WDFY3: variants seen among roughly 807,000 people sequenced by gnomAD.
The protein encoded by WDFY3 is WD repeat and FYVE domain-containing protein 3.
In WDFY3, 66 loss-of-function variants were observed where a neutral mutation model predicts 409.6. The observed-to-expected ratio is 0.16, with a 90% CI of 0.13 to 0.20. The LOEUF is 0.20. Among genes scored for constraint, WDFY3 ranks in the 10% least tolerant of loss-of-function variants. The probability of loss-of-function intolerance (pLI) is 1.00; values close to 1 mark genes in which losing one functional copy is unlikely to be tolerated. For missense variants in WDFY3, 3,031 were observed against 4,298.1 expected, an observed-to-expected ratio of 0.71 and a Z score of 8.24; for synonymous variants, 1,521 against 1,537.1, an observed-to-expected ratio of 0.99 and a Z score of 0.25.
In WDFY3 at chr4:84,946,149, T is replaced by C. The variant is rs77095911; in HGVS notation, c.-225-13786A>G. On this transcript the variant is annotated intron_variant, in intron 1 of 67. Coordinates refer to ENST00000295888, the MANE Select transcript of WDFY3 (RefSeq NM_014991.6). ...TCAGACCCTTTTGGGAATGAAGGAC[T>C]GAGTTAGCTTCCTAGAAACAGAACC... Among the ~76,000 whole-genome samples, 1,481 of 152,280 alleles carry C rather than the reference T, an allele frequency of 9.7e-3. 24 individuals carry two copies. The highest frequency in any genetic ancestry group is 0.033 in the African/African-American group (1,389 of 41,564).
At position 84,798,001 on chromosome 4, in the gene WDFY3, A is replaced by G; in HGVS notation, c.2930T>C (p.Met977Thr). The change falls in exon 18 of 68, where the codon ATG becomes ACG. Residue 977 changes from methionine to threonine, a missense_variant. By Grantham distance (81) the Met-to-Thr change is moderately conservative (BLOSUM62 -1). Coordinates refer to ENST00000295888, the MANE Select transcript of WDFY3 (RefSeq NM_014991.6). ...KPSSLSYEPE[M>T]RSSMITSLEG... is the part of the protein sequence containing the mutation. ...AAGGGAATTTCAAAACTTACTTCTC[A>G]TTTCTGGTTCATAACTCAGTGAACT... The G allele has an allele frequency of 6.2e-7, 1 of 1,604,902 alleles. No individual in the cohort carries two copies. The highest frequency in any genetic ancestry group is 1.3e-5 in the African/African-American group (1 of 74,654).
At chr4:84,919,712 G>C (rs1206244099) in intron 2 of WDFY3, among the ~76,000 whole-genome samples, 2 of 152,146 alleles carry the variant, frequency 1.3e-5, no homozygotes, top group East Asian at 3.8e-4. Context: ...GTGAAGAAAG[G>C]TGTGTTTGCT....
At chr4:84,903,875 A>ATCTG (rs1193257656) in intron 2 of WDFY3, among the ~76,000 whole-genome samples, 7 of 151,676 alleles carry the variant, frequency 4.6e-5, no homozygotes, top group Non-Finnish European at 8.8e-5. Context: ...CTATCTCCCT[A>ATCTG]TCTGTCTGTC....
At chr4:84,795,413 G>A (rs934572986) in intron 19 of WDFY3, among the ~76,000 whole-genome samples, 11 of 152,078 alleles carry the variant, frequency 7.2e-5, no homozygotes, top group Non-Finnish European at 1.3e-4. Flanking sequence ...AAAACACAGA[G>A]GTTTCAATCA....
At chr4:84,846,347 G>A (rs974991725) in intron 5 of WDFY3, among the ~76,000 whole-genome samples, 5 of 151,744 alleles carry the variant, frequency 3.3e-5, no homozygotes, top group Admixed American at 2.6e-4. Context: ...AAGAGTCTAC[G>A]ATTATTTTAA....
chr4:84,735,502 T>C (rs2149187546), intron 42 of WDFY3, among the ~76,000 whole-genome samples: 1 of 152,276 alleles, frequency 6.6e-6, no homozygotes, highest in East Asian at 1.9e-4. Context: ...AAGCTCCACT[T>C]AGCTTGGCTG....
At chr4:84,730,349 T>C (rs1030574895) in intron 44 of WDFY3, among the ~76,000 whole-genome samples, 4 of 152,160 alleles carry the variant, frequency 2.6e-5, no homozygotes, top group African/African-American at 9.7e-5. Context: ...GTGCTGGCAG[T>C]TCATTCACTC....
intron 2 of WDFY3, among the ~76,000 whole-genome samples, chr4:84,922,591 C>T (rs1454123837): frequency 1.3e-5 from 2 of 151,954 alleles, no homozygotes; most frequent in African/African-American, 4.8e-5. Context: ...TAAATATGGC[C>T]AACAGTACAG....
chr4:84,858,492 A>G (rs529362081), intron 4 of WDFY3, among the ~76,000 whole-genome samples: 1 of 152,340 alleles, frequency 6.6e-6, no homozygotes, highest in South Asian at 2.1e-4. Flanking sequence ...TTAATAGCAC[A>G]ACATTACTCT....
At position 84,740,479 on chromosome 4, in the gene WDFY3, C is replaced by T. The variant is rs536030738; in HGVS notation, c.6235-63G>A. 1,211 of 1,521,094 alleles carry T rather than the reference C, an allele frequency of 8.0e-4. 7 individuals carry two copies. Among genetic ancestry groups the T allele is most frequent in the South Asian group, 2.3e-3 (205 of 87,286 alleles). 94.2% of individuals were successfully genotyped at this position (1,521,094 alleles called of 1,614,324 possible). A position where few individuals can be genotyped will look rare whatever the true frequency, so the allele number is the denominator to read the frequency against. On this transcript the variant is annotated intron_variant, in intron 38 of 67. Coordinates refer to ENST00000295888, the MANE Select transcript of WDFY3 (RefSeq NM_014991.6). The stretch of plus-strand genomic sequence containing the variant: ...AAAAGTAAAACACCTGTTAATCATT[C>T]ATACATGAACTTTTATTAGGTCTAT...
At chr4:84,702,912 C>T (rs1234236580) in intron 55 of WDFY3, among the ~76,000 whole-genome samples, 3 of 152,002 alleles carry the variant, frequency 2.0e-5, no homozygotes, top group African/African-American at 4.8e-5. Context: ...CTGGCTAACA[C>T]GGTGAAACCC....
At chr4:84,796,806 T>C in intron 18 of WDFY3, 54 bp from the exon 19 acceptor site, 1 of 1,447,718 alleles carries the variant, frequency 6.9e-7, no homozygotes, top group Non-Finnish European at 9.5e-7. Flanking sequence ...TCAAAATAAC[T>C]TTACAAGGCT....
Position 84,888,779 on chromosome 4 carries a change from A to C in WDFY3, c.-32+8132T>G, listed in dbSNP as rs574886776. Among the ~76,000 whole-genome samples, 269 of 152,156 alleles carry C rather than the reference A, an allele frequency of 1.8e-3. 1 individual carries two copies. The highest frequency in any genetic ancestry group is 6.1e-3 in the African/African-American group (254 of 41,514). On this transcript the variant is annotated intron_variant, in intron 3 of 67. Transcript: ENST00000295888. ...TCAAACTACAAATAGCTTGGGACTAACCAAGGTGAGAATATTTGCAACACA... is the reference window on the plus strand; with the variant it reads ...TCAAACTACAAATAGCTTGGGACTACCCAAGGTGAGAATATTTGCAACACA...
At chr4:84,769,816 A>C (rs1283495424) in intron 30 of WDFY3, among the ~76,000 whole-genome samples, 1 of 152,150 alleles carries the variant, frequency 6.6e-6, no homozygotes, top group Non-Finnish European at 1.5e-5. Flanking sequence ...TAATGACCAA[A>C]TCAGAATAAT....
At chr4:84,959,527 C>T (rs994930164) in intron 1 of WDFY3, among the ~76,000 whole-genome samples, 3 of 152,138 alleles carry the variant, frequency 2.0e-5, no homozygotes, top group Non-Finnish European at 4.4e-5. Context: ...AAGATAAAAA[C>T]AACTGGACCT....
intron 17 of WDFY3, among the ~76,000 whole-genome samples, chr4:84,799,234 G>A (rs1309735575): frequency 2.0e-5 from 3 of 151,852 alleles, no homozygotes; most frequent in African/African-American, 7.3e-5. Flanking sequence ...ATAGCTCACT[G>A]CAATCTCAAA....
chr4:84,724,539 C>T lies in WDFY3; in HGVS notation c.7328G>A (p.Arg2443Gln), dbSNP rs777706632. ...AATGGCGGGATTGCCAGAGGCCAGT[C>T]GCATGTAGTACTCTTTACTGTCATA... is the stretch of plus-strand genomic sequence containing the variant. Reference protein sequence around the residue: ...VSYDSKEYYMRLASGNPAIVQ... With the variant: ...VSYDSKEYYMQLASGNPAIVQ... Residue 2443 changes from arginine (R) to glutamine (Q), a missense_variant, in exon 46 of 68, where the codon CGA (arginine) becomes CAA (glutamine). Coordinates refer to ENST00000295888, the MANE Select transcript of WDFY3 (RefSeq NM_014991.6). 7.4e-6 allele frequency: 12 copies of T among 1,613,926 alleles called. No individual in the cohort carries two copies. Among genetic ancestry groups the T allele is most frequent in the Non-Finnish European group, 9.3e-6 (11 of 1,180,000 alleles).
At chr4:84,931,104 G>A (rs1579179268) in intron 2 of WDFY3, among the ~76,000 whole-genome samples, 1 of 152,126 alleles carries the variant, frequency 6.6e-6, no homozygotes. Context: ...TATACATAGG[G>A]TTCCCTAGTA....
chr4:84,965,754 T>A (rs1775582159), intron 1 of WDFY3: 1 of 151,908 alleles, frequency 6.6e-6, no homozygotes, highest in African/African-American at 2.4e-5. Flanking sequence ...CAGGTCCGGG[T>A]GGCTCCGGGA....
Sources: gnomAD v4.1 joint callset for allele counts (sites outside exome capture counted in the v4.1 genomes callset) on GRCh38, gnomAD v4.1.1 for gene constraint, MANE v1.5 for transcripts, NCBI Gene and HGNC (gene_info 2026-07-23, HGNC 2026-07-21) for gene names.